RUNX1: variants seen among roughly 807,000 people sequenced by gnomAD.
RUNX1 encodes runt-related transcription factor 1.
RUNX1 carries 19 observed loss-of-function variants against 42.8 expected under a neutral mutation model. The ratio of observed to expected loss-of-function variants is 0.44; its 90% CI spans 0.31 to 0.65. RUNX1 has a LOEUF of 0.65. Ranked by LOEUF, RUNX1 falls within the 30% of genes least tolerant of loss-of-function variation. RUNX1 has a pLI of 0.07. For missense variants in RUNX1, 528 were observed against 672.0 expected, an observed-to-expected ratio of 0.79 and a Z score of 2.37; for synonymous variants, 271 against 289.4, an observed-to-expected ratio of 0.94 and a Z score of 0.64.
At chr21:35,003,196 T>C (rs1338953248) in intron 2 of RUNX1, among the ~76,000 whole-genome samples, 1 of 152,236 alleles carries the variant, frequency 6.6e-6, no homozygotes, top group African/African-American at 2.4e-5. Flanking sequence ...GTCATCAGTG[T>C]ATCTTAATCC....
chr21:34,958,548 C>A (rs1227894210), intron 2 of RUNX1, among the ~76,000 whole-genome samples: 1 of 152,164 alleles, frequency 6.6e-6, no homozygotes, highest in African/African-American at 2.4e-5. Flanking sequence ...AGTCAGGAAA[C>A]AACAGATGCT....
At position 34,829,591 on chromosome 21, in the gene RUNX1, C is replaced by T. The variant is rs867730379; in HGVS notation, c.805+4819G>A. ...GTTAAAAGCTATTTTTAAATGAAATCATTCACCTGTCATGTTTATAGCCTA... is the reference window on the plus strand; with the variant it reads ...GTTAAAAGCTATTTTTAAATGAAATTATTCACCTGTCATGTTTATAGCCTA... On this transcript the variant is annotated intron_variant, in intron 7 of 8. Transcript: ENST00000675419. 2.6e-5 allele frequency among the ~76,000 whole-genome samples: 4 copies of T among 152,340 alleles called. 1 individual carries two copies. In the Middle Eastern group the frequency reaches 0.01, roughly 389 times the overall value.
intron 2 of RUNX1, among the ~76,000 whole-genome samples, chr21:34,910,847 C>T (rs569381786): frequency 1.3e-5 from 2 of 151,898 alleles, no homozygotes; most frequent in Non-Finnish European, 2.9e-5. Flanking sequence ...AGTGGCTCAC[C>T]GCAGGCTCCA....
intron 3 of RUNX1, chr21:34,889,652 G>A (rs529894328): frequency 1.8e-6 from 2 of 1,115,532 alleles, no homozygotes; most frequent in Non-Finnish European, 2.2e-6. Context: ...CCGTGCGCTC[G>A]AGCGGCCCCA....
intron 7 of RUNX1, among the ~76,000 whole-genome samples, chr21:34,804,719 T>TG: frequency 6.6e-6 from 1 of 150,628 alleles, no homozygotes; most frequent in Non-Finnish European, 1.5e-5. Context: ...AAGAGATGGA[T>TG]GATGTAGGCA....
At chr21:34,887,137 C>CT in intron 3 of RUNX1, 41 bp from the exon 4 acceptor site, 1 of 1,597,812 alleles carries the variant, frequency 6.3e-7, no homozygotes, top group Non-Finnish European at 8.5e-7. Context: ...TGAGTTAGGA[C>CT]CCTGCAAACA....
chr21:34,822,524 A>G (rs757609339), intron 7 of RUNX1, among the ~76,000 whole-genome samples: 2 of 152,322 alleles, frequency 1.3e-5, no homozygotes, highest in Admixed American at 6.5e-5. Context: ...CATGCTTCAA[A>G]AGCTTCTGCA....
chr21:34,868,878 T>C (rs779143844), intron 5 of RUNX1, among the ~76,000 whole-genome samples: 17 of 152,184 alleles, frequency 1.1e-4, no homozygotes, highest in Admixed American at 3.3e-4. Context: ...AGAAATGCCC[T>C]TAGTAAATGA....
chr21:34,968,651 C>T (rs1238195385), intron 2 of RUNX1, among the ~76,000 whole-genome samples: 2 of 146,978 alleles, frequency 1.4e-5, no homozygotes, highest in African/African-American at 5.0e-5. Flanking sequence ...GCCTGGCTGC[C>T]AGGCACCCCC....
At chr21:34,989,016 T>TCTC (rs1569139186) in intron 2 of RUNX1, among the ~76,000 whole-genome samples, 2 of 132,888 alleles carry the variant, frequency 1.5e-5, no homozygotes, top group Admixed American at 7.2e-5. Flanking sequence ...CTCTCTCTCT[T>TCTC]TTTTTTTTTT....
chr21:34,791,874 G>A lies in RUNX1; in HGVS notation c.*261C>T, dbSNP rs973446810. 13 of 261,116 alleles carry A rather than the reference G, an allele frequency of 5.0e-5. No individual in the cohort carries two copies. The South Asian group carries it at 9.6e-4, about 19-fold the overall frequency. 16.2% of individuals were successfully genotyped at this position (261,116 alleles called of 1,614,324 possible). A position where few individuals can be genotyped will look rare whatever the true frequency, so the allele number is the denominator to read the frequency against. On this transcript the variant is annotated 3_prime_UTR_variant, in exon 9 of 9. Transcript: ENST00000675419. ...GCGTCCCCTGGGTGCTGGGGCCGGC[G>A]GACACCCTCGAGGTGCGTCGCCTCG...
chr21:34,914,440 C>A (rs1258505270), intron 2 of RUNX1, among the ~76,000 whole-genome samples: 4 of 152,090 alleles, frequency 2.6e-5, no homozygotes, highest in Non-Finnish European at 5.9e-5. Context: ...ATTGTAACTG[C>A]CAGGAAGTCA....
chr21:34,804,411 G>A (rs1034452353), intron 7 of RUNX1, among the ~76,000 whole-genome samples: 3 of 152,128 alleles, frequency 2.0e-5, no homozygotes, highest in African/African-American at 2.4e-5. Flanking sequence ...AAACAAGGAC[G>A]CTAGAGGAAT....
intron 5 of RUNX1, among the ~76,000 whole-genome samples, chr21:34,873,772 T>A (rs1223021414): frequency 6.6e-6 from 1 of 152,242 alleles, no homozygotes; most frequent in Non-Finnish European, 1.5e-5. Context: ...GCAAACTGAA[T>A]GCCGTCGATT....
intron 2 of RUNX1, among the ~76,000 whole-genome samples, chr21:34,928,962 G>T (rs7282164): frequency 0.15 from 3,413 of 22,212 alleles, 135 homozygotes; most frequent in African/African-American, 0.31. Flanking sequence ...GATTTTTTTT[G>T]GGGGGGGGGG....
At chr21:35,004,669 C>A (rs2146888092) in intron 2 of RUNX1, among the ~76,000 whole-genome samples, 1 of 152,320 alleles carries the variant, frequency 6.6e-6, no homozygotes, top group Middle Eastern at 3.4e-3. Context: ...CCTGATTCTA[C>A]CCCACTTCTA....
At chr21:34,889,107 G>A (rs1016173567) in intron 3 of RUNX1, among the ~76,000 whole-genome samples, 2 of 151,160 alleles carry the variant, frequency 1.3e-5, no homozygotes, top group Non-Finnish European at 3.0e-5. Context: ...CCGGCCCCGC[G>A]AGCCGCTGCA....
chr21:34,797,992 A>G (rs1569007618), intron 8 of RUNX1: 9 of 456,556 alleles, frequency 2.0e-5, no homozygotes, highest in Non-Finnish European at 4.0e-5. Flanking sequence ...TTTGGCCCCA[A>G]ATGTCAATAG....
At chr21:34,859,386 A>G (rs1477499427) in intron 6 of RUNX1, 88 bp downstream of exon 6, 1 of 1,092,964 alleles carries the variant, frequency 9.1e-7, no homozygotes, top group African/African-American at 1.5e-5. Flanking sequence ...GGTTGAACCC[A>G]AGGAATCTGA....
Sources: gnomAD v4.1 joint callset for allele counts (sites outside exome capture counted in the v4.1 genomes callset) on GRCh38, gnomAD v4.1.1 for gene constraint, MANE v1.5 for transcripts, NCBI Gene and HGNC (gene_info 2026-07-23, HGNC 2026-07-21) for gene names.